The following DMD variants were observed in gnomAD, a reference collection of about 807,000 sequenced individuals.
DMD encodes dystrophin.
DMD carries 63 observed loss-of-function variants against 330.1 expected under a neutral mutation model. That is an observed-to-expected ratio of 0.19 (90% CI 0.16 to 0.24). The LOEUF is 0.24. Among genes scored for constraint, DMD ranks in the 10% least tolerant of loss-of-function variants. The probability of loss-of-function intolerance (pLI) is 1.00; values close to 1 mark genes in which losing one functional copy is unlikely to be tolerated. For synonymous variants in DMD, 1,223 were observed against 959.8 expected, an observed-to-expected ratio of 1.27 and a Z score of -5.07; for missense variants, 3,344 against 2,684.1, an observed-to-expected ratio of 1.25 and a Z score of -5.43.
intron 44 of DMD, among the ~76,000 whole-genome samples, chrX:32,095,619 CATAGAA>C (rs1271800116): frequency 1.8e-5 from 2 of 112,072 alleles, no homozygotes; most frequent in African/African-American, 3.2e-5. Flanking sequence ...CTTTATATCA[CATAGAA>C]ATAAAGAATT....
At chrX:31,996,017 A>G (rs932678404) in intron 44 of DMD, among the ~76,000 whole-genome samples, 1 of 112,344 alleles carries the variant, frequency 8.9e-6, no homozygotes, top group African/African-American at 3.2e-5. Context: ...TAAAGAACAA[A>G]AAAGGGCTCT....
chrX:33,152,872 A>T (rs1458075244), intron 1 of DMD, among the ~76,000 whole-genome samples: 1 of 112,279 alleles, frequency 8.9e-6, no homozygotes, highest in Non-Finnish European at 1.9e-5. Context: ...TACAAAAAAA[A>T]TACAATGGAA....
intron 1 of DMD, among the ~76,000 whole-genome samples, chrX:33,172,985 C>T (rs1044382631): frequency 9.0e-6 from 1 of 111,279 alleles, no homozygotes; most frequent in African/African-American, 3.3e-5. Flanking sequence ...ATTGAAAGAT[C>T]TTACTTAACA....
chrX:32,924,385 G>A, intron 2 of DMD, among the ~76,000 whole-genome samples: 1 of 110,479 alleles, frequency 9.1e-6, no homozygotes, highest in Non-Finnish European at 1.9e-5. Context: ...AAGAAAATTA[G>A]CAGGGCGTGG....
intron 13 of DMD, among the ~76,000 whole-genome samples, chrX:32,588,530 T>A (rs699458): frequency 0.54 from 59,748 of 110,343 alleles, 13,735 homozygotes; most frequent in African/African-American, 0.9. Context: ...CTATAGAGAC[T>A]GGTAGGAGTC....
chrX:33,328,297 G>A (rs749351536), intron 1 of DMD, among the ~76,000 whole-genome samples: 2 of 110,992 alleles, frequency 1.8e-5, no homozygotes, highest in East Asian at 5.7e-4. Context: ...TCAGCCTCCT[G>A]GGTTCAAGCG....
chrX:31,763,435 T>A (rs2089767704), intron 51 of DMD, among the ~76,000 whole-genome samples: 2 of 111,370 alleles, frequency 1.8e-5, no homozygotes, highest in African/African-American at 6.5e-5. Context: ...TGGTGGTGAG[T>A]GCCTGTAATC....
At chrX:33,233,629 G>A (rs768502323) in intron 1 of DMD, among the ~76,000 whole-genome samples, 2 of 112,187 alleles carry the variant, frequency 1.8e-5, no homozygotes, top group East Asian at 5.6e-4. Flanking sequence ...ATTAATGGTT[G>A]CCACATGTTA....
chrX:32,097,996 C>T (rs1421518787), intron 44 of DMD, among the ~76,000 whole-genome samples: 2 of 111,019 alleles, frequency 1.8e-5, no homozygotes, highest in African/African-American at 6.6e-5. Flanking sequence ...ACCAGATAAA[C>T]ACCAAAAGCA....
intron 1 of DMD, among the ~76,000 whole-genome samples, chrX:33,089,767 G>T (rs1215240826): frequency 4.5e-5 from 5 of 110,868 alleles, no homozygotes; most frequent in Non-Finnish European, 9.4e-5. Flanking sequence ...AGATACAGAA[G>T]TAGAGTTCAG....
intron 18 of DMD, among the ~76,000 whole-genome samples, chrX:32,515,764 C>T (rs1266215924): frequency 9.0e-6 from 1 of 111,441 alleles, no homozygotes; most frequent in East Asian, 2.8e-4. Context: ...TGTTCAAAGG[C>T]AAATTTTGAT....
intron 38 of DMD, among the ~76,000 whole-genome samples, chrX:32,347,582 C>T (rs1055798928): frequency 3.7e-4 from 41 of 111,692 alleles, no homozygotes; most frequent in Non-Finnish European, 6.0e-4. Flanking sequence ...TCTCCTATTG[C>T]TTCACACACT....
chrX:31,571,475 C>T (rs760639836), intron 55 of DMD, among the ~76,000 whole-genome samples: 13 of 110,156 alleles, frequency 1.2e-4, no homozygotes, highest in Admixed American at 2.0e-4. Context: ...AATCTGTCTC[C>T]GCTACTAGAT....
At chrX:31,266,677 G>T in intron 62 of DMD, 1 of 658,343 alleles carries the variant, frequency 1.5e-6, no homozygotes, top group African/African-American at 2.2e-5. Flanking sequence ...GTTCCTAGAC[G>T]CCCAGCCGCC....
chrX:32,431,005 A>C (rs764926295), intron 29 of DMD, among the ~76,000 whole-genome samples: 1 of 112,336 alleles, frequency 8.9e-6, no homozygotes, highest in African/African-American at 3.2e-5. Context: ...TATTGTAAAT[A>C]ATGCTGCAAT....
At chrX:32,633,494 C>A (rs1328629801) in intron 11 of DMD, among the ~76,000 whole-genome samples, 1 of 111,887 alleles carries the variant, frequency 8.9e-6, no homozygotes, top group Non-Finnish European at 1.9e-5. Flanking sequence ...TTCTTCTGAG[C>A]CCTCCAAACT....
intron 48 of DMD, among the ~76,000 whole-genome samples, chrX:31,842,676 T>C (rs2093339613): frequency 8.9e-6 from 1 of 112,240 alleles, no homozygotes; most frequent in Non-Finnish European, 1.9e-5. Flanking sequence ...AAGGCTCAGA[T>C]GACTGCTAGC....
intron 9 of DMD, among the ~76,000 whole-genome samples, chrX:32,648,891 T>A (rs1373428673): frequency 1.8e-5 from 2 of 111,757 alleles, no homozygotes; most frequent in East Asian, 5.6e-4. Context: ...AGAGATTTTC[T>A]AGGAAAGTTG....
At chrX:32,246,784 G>A (rs1369315261) in intron 43 of DMD, among the ~76,000 whole-genome samples, 1 of 110,397 alleles carries the variant, frequency 9.1e-6, no homozygotes, top group Non-Finnish European at 1.9e-5. Flanking sequence ...ACGGTAGTTT[G>A]TATTTCTGTG....
Sources: allele counts gnomAD v4.1 joint callset (sites outside exome capture counted in the v4.1 genomes callset), GRCh38; gene constraint gnomAD v4.1.1; transcripts MANE v1.5; gene names NCBI Gene and HGNC (gene_info 2026-07-23, HGNC 2026-07-21).